The following GFRA1 variants were observed in gnomAD, a reference collection of about 807,000 sequenced individuals.
The protein encoded by GFRA1 is GDNF family receptor alpha 1, also known as GDNF family receptor alpha-1.
In GFRA1, 16 loss-of-function variants were observed where a neutral mutation model predicts 51.6. That is an observed-to-expected ratio of 0.31 (90% CI 0.21 to 0.47). GFRA1 has a LOEUF of 0.47. Among genes scored for constraint, GFRA1 ranks in the 20% least tolerant of loss-of-function variants. GFRA1 has a pLI of 1.00. For synonymous variants in GFRA1, 270 were observed against 241.3 expected (o/e 1.12, Z -1.10); for missense variants, 530 against 594.3 (o/e 0.89, Z 1.13).
At chr10:116,197,154 C>G (rs932670366) in intron 5 of GFRA1, among the ~76,000 whole-genome samples, 1 of 151,974 alleles carries the variant, frequency 6.6e-6, no homozygotes, top group Non-Finnish European at 1.5e-5. Context: ...CAGGTTGAAA[C>G]CTAATCACCG....
intron 6 of GFRA1, among the ~76,000 whole-genome samples, chr10:116,100,547 T>C (rs778839915): frequency 8.5e-5 from 13 of 152,218 alleles, no homozygotes; most frequent in Non-Finnish European, 1.6e-4. Flanking sequence ...AATATGCTGA[T>C]GAGGTCTTGA....
At chr10:116,271,223 G>A (rs1843906473) in intron 2 of GFRA1, 108 bp from the exon 3 acceptor site, 1 of 869,128 alleles carries the variant, frequency 1.2e-6, no homozygotes, top group Non-Finnish European at 1.7e-6. Context: ...CCAGCCTTCG[G>A]GGGCGCCCTG....
chr10:116,124,582 T>C lies in GFRA1; in HGVS notation c.770+639A>G, dbSNP rs1957777546. Among the ~76,000 whole-genome samples the C allele has an allele frequency of 2.6e-5, 4 of 152,288 alleles. No homozygotes were observed. The South Asian group carries it at 8.3e-4, about 32-fold the overall frequency. ...ATGTATTCATGGACTCCTTCAGATA[T>C]CAAAGTAAATTCAGAAATGGCCAAA... On this transcript the variant is annotated intron_variant, in intron 6 of 10. Transcript: ENST00000355422.
Position 116,165,890 on chromosome 10 carries a change from C to T in GFRA1, c.434-40333G>A, listed in dbSNP as rs376973328. On this transcript the variant is annotated intron_variant, in intron 5 of 10. Transcript: ENST00000355422. ...GGGTTTGCTGTACAGATTATTTCAT[C>T]ACCCAGGTATTAAGCCTAGTATCCA... Among the ~76,000 whole-genome samples, 82 of 152,162 alleles carry T rather than the reference C, an allele frequency of 5.4e-4. 1 individual carries two copies. The South Asian group carries it at 0.015, about 28-fold the overall frequency.
intron 4 of GFRA1, among the ~76,000 whole-genome samples, chr10:116,248,355 G>A (rs1968041788): frequency 6.6e-6 from 1 of 152,196 alleles, no homozygotes; most frequent in Admixed American, 6.5e-5. Flanking sequence ...AATCAGGCGG[G>A]AAAGGGAGCG....
At chr10:116,100,000 G>A (rs1202602856) in intron 6 of GFRA1, among the ~76,000 whole-genome samples, 1 of 152,184 alleles carries the variant, frequency 6.6e-6, no homozygotes. Context: ...AGAGTCAGTA[G>A]CAGAACGAGG....
In GFRA1 at chr10:116,104,899, G is replaced by A. The variant is rs145373333; in HGVS notation, c.771-8135C>T. On this transcript the variant is annotated intron_variant, in intron 6 of 10. Transcript: ENST00000355422. Reference sequence around the variant, plus strand: ...ATGTCCCTGAACTGCCCTTTTGCCAGGAATCCACTGCCCTCCACCTATTTA... The same window carrying A: ...ATGTCCCTGAACTGCCCTTTTGCCAAGAATCCACTGCCCTCCACCTATTTA... Among the ~76,000 whole-genome samples, 270 of 152,286 alleles carry A rather than the reference G, an allele frequency of 1.8e-3. 1 individual carries two copies. The highest frequency in any genetic ancestry group is 6.4e-3 in the African/African-American group (267 of 41,548).
At chr10:116,192,534 C>A (rs927324192) in intron 5 of GFRA1, among the ~76,000 whole-genome samples, 2 of 152,178 alleles carry the variant, frequency 1.3e-5, no homozygotes, top group Admixed American at 6.5e-5. Flanking sequence ...AAGGCAAACA[C>A]AGAGCTCGCT....
intron 6 of GFRA1, among the ~76,000 whole-genome samples, chr10:116,106,955 C>T (rs905879729): frequency 2.0e-5 from 3 of 152,206 alleles, no homozygotes; most frequent in Non-Finnish European, 2.9e-5. Context: ...CCATGTGAGA[C>T]ACCGGCAATC....
intron 4 of GFRA1, among the ~76,000 whole-genome samples, chr10:116,238,449 G>A (rs906308311): frequency 2.0e-5 from 3 of 152,156 alleles, no homozygotes; most frequent in African/African-American, 7.2e-5. Flanking sequence ...GAATGTGCAC[G>A]TCACATATAT....
chr10:116,065,683 T>C, intron 9 of GFRA1, 57 bp from the exon 10 acceptor site: 1 of 1,375,864 alleles, frequency 7.3e-7, no homozygotes, highest in Non-Finnish European at 1.0e-6. Context: ...TAATTACTGA[T>C]GATCCATCAG....
intron 4 of GFRA1, among the ~76,000 whole-genome samples, chr10:116,215,024 A>G (rs1965462987): frequency 1.3e-5 from 2 of 152,228 alleles, no homozygotes; most frequent in Admixed American, 1.3e-4. Context: ...AAATTTTAAT[A>G]AATACTAGTA....
intron 6 of GFRA1, among the ~76,000 whole-genome samples, chr10:116,120,303 A>G (rs1565589930): frequency 6.6e-6 from 1 of 152,198 alleles, no homozygotes; most frequent in Non-Finnish European, 1.5e-5. Context: ...GAGGAATGCA[A>G]ATGTAACATT....
chr10:116,095,391 CTT>C (rs1956528779), intron 7 of GFRA1, among the ~76,000 whole-genome samples: 2 of 152,154 alleles, frequency 1.3e-5, no homozygotes, highest in East Asian at 3.9e-4. Flanking sequence ...TTTTAAAACA[CTT>C]TTTACAATGA....
intron 6 of GFRA1, 85 bp from the exon 7 acceptor site, chr10:116,096,849 T>C (rs1036444642): frequency 2.7e-6 from 2 of 749,182 alleles, no homozygotes; most frequent in Non-Finnish European, 4.7e-6. Flanking sequence ...CTTTATTCCT[T>C]TGTTGATATG....
chr10:116,173,828 G>C (rs1423565726), intron 5 of GFRA1, among the ~76,000 whole-genome samples: 1 of 152,066 alleles, frequency 6.6e-6, no homozygotes, highest in Non-Finnish European at 1.5e-5. Flanking sequence ...TGTAATCCCA[G>C]CACTTTGAGA....
chr10:116,103,101 T>C (rs1053521098), intron 6 of GFRA1, among the ~76,000 whole-genome samples: 1 of 152,208 alleles, frequency 6.6e-6, no homozygotes, highest in African/African-American at 2.4e-5. Context: ...GCCTCTCACA[T>C]CTTAGCAAAT....
intron 5 of GFRA1, among the ~76,000 whole-genome samples, chr10:116,146,389 G>A (rs1958803258): frequency 6.6e-6 from 1 of 152,198 alleles, no homozygotes; most frequent in Admixed American, 6.5e-5. Flanking sequence ...AATGAGACTA[G>A]AATCATTTGC....
intron 9 of GFRA1, among the ~76,000 whole-genome samples, chr10:116,083,627 C>T (rs778711029): frequency 2.0e-5 from 3 of 152,158 alleles, no homozygotes; most frequent in Non-Finnish European, 4.4e-5. Flanking sequence ...AAAATTTTCA[C>T]TTGGTCACAG....
Sources: allele counts gnomAD v4.1 joint callset (sites outside exome capture counted in the v4.1 genomes callset), GRCh38; gene constraint gnomAD v4.1.1; transcripts MANE v1.5; gene names NCBI Gene and HGNC (gene_info 2026-07-23, HGNC 2026-07-21).